KLHL29: variants seen among roughly 807,000 people sequenced by gnomAD.
KLHL29 encodes the protein kelch-like protein 29.
Under a neutral mutation model 80.4 loss-of-function variants are expected in KLHL29, and 21 were observed. The observed-to-expected ratio is 0.26, with a 90% confidence interval of 0.19 to 0.38. The LOEUF (loss-of-function observed/expected upper bound fraction) is 0.38. Among genes scored for constraint, KLHL29 ranks in the 10% least tolerant of loss-of-function variants. KLHL29 has a pLI of 1.00. For synonymous variants in KLHL29, 511 were observed against 526.8 expected (o/e 0.97, Z 0.41); for missense variants, 867 against 1,223.9 (o/e 0.71, Z 4.35).
chr2:23,632,352 T>G (rs972338079), intron 3 of KLHL29, among the ~76,000 whole-genome samples: 2 of 152,270 alleles, frequency 1.3e-5, no homozygotes, highest in African/African-American at 4.8e-5. Flanking sequence ...GGCTTCACCT[T>G]TGCAGTGCAA....
At chr2:23,572,016 C>A (rs574807300) in intron 3 of KLHL29, among the ~76,000 whole-genome samples, 2 of 152,318 alleles carry the variant, frequency 1.3e-5, no homozygotes, top group South Asian at 4.1e-4. Flanking sequence ...TCATTCATCC[C>A]GGCACTCGCT....
chr2:23,392,806 C>A (rs1245100347), intron 1 of KLHL29, among the ~76,000 whole-genome samples: 1 of 152,216 alleles, frequency 6.6e-6, no homozygotes, highest in South Asian at 2.1e-4. Context: ...TGCACCACTT[C>A]ATACTGCCTG....
intron 1 of KLHL29, among the ~76,000 whole-genome samples, chr2:23,394,148 AGTG>A (rs1267092577): frequency 6.6e-6 from 1 of 152,224 alleles, no homozygotes; most frequent in African/African-American, 2.4e-5. Context: ...AACACTGAGA[AGTG>A]GTGAAGAGCG....
In KLHL29 at chr2:23,695,586, G is replaced by C; in HGVS notation, c.1543-37G>C. The C allele has an allele frequency of 6.9e-7, 1 of 1,444,700 alleles. No homozygotes were observed. Among genetic ancestry groups the C allele is most frequent in the Non-Finnish European group, 9.3e-7 (1 of 1,071,696 alleles). The allele number at this position is 1,444,700 out of a possible 1,614,324, so 89.5% of individuals were successfully genotyped here. On this transcript the variant is annotated intron_variant, in intron 8 of 13. Transcript: ENST00000486442. The surrounding 1 kb of genome is among the most constrained non-coding windows in gnomAD (Gnocchi z 7.6). ...TCCGTCCGGGAGGTGGCTCTCTCTT[G>C]CTAGTCTAAGAAGATTCTGTCTCCT...
intron 1 of KLHL29, among the ~76,000 whole-genome samples, chr2:23,440,816 A>C (rs1199357784): frequency 1.3e-5 from 2 of 152,316 alleles, no homozygotes; most frequent in African/African-American, 2.4e-5. Context: ...AATCATTAAA[A>C]AGTCAGGAAA....
At chr2:23,640,770 T>A (rs1356073616) in intron 4 of KLHL29, among the ~76,000 whole-genome samples, 2 of 152,234 alleles carry the variant, frequency 1.3e-5, no homozygotes, top group African/African-American at 4.8e-5. Context: ...GGAAACTGGC[T>A]CGGGAAAGGC....
intron 1 of KLHL29, among the ~76,000 whole-genome samples, chr2:23,459,441 T>TA (rs897687475): frequency 2.0e-5 from 3 of 151,366 alleles, no homozygotes; most frequent in Non-Finnish European, 4.4e-5. Context: ...GAGAATGGAG[T>TA]AAAAAAAGAG....
Position 23,526,297 on chromosome 2 carries a change from A to G in KLHL29, c.-45-35855A>G, listed in dbSNP as rs1282990738. On this transcript the variant is annotated intron_variant, in intron 2 of 13. Coordinates refer to ENST00000486442, the MANE Select transcript of KLHL29 (RefSeq NM_052920.2). ...CGGAGGAAGCGTCACAGGGGAGGGG[A>G]AACCAGAGCTGTGGTCAGGGCATGC... Among the ~76,000 whole-genome samples, 472 of 151,998 alleles carry G rather than the reference A, an allele frequency of 3.1e-3. 2 individuals carry two copies. Among genetic ancestry groups the G allele is most frequent in the Non-Finnish European group, 4.9e-3 (336 of 67,936 alleles).
intron 1 of KLHL29, among the ~76,000 whole-genome samples, chr2:23,401,087 G>A (rs1428966520): frequency 2.6e-5 from 4 of 152,150 alleles, no homozygotes; most frequent in Non-Finnish European, 5.9e-5. Context: ...TTCACCTGAG[G>A]TCAGTTTCCT....
rs541560688 is a variant in KLHL29 at position 23,691,720 on chromosome 2, G to A, written c.1126G>A (p.Val376Ile). The A allele has an allele frequency of 4.6e-5, 71 of 1,551,784 alleles. No homozygotes were observed. In the East Asian group the frequency reaches 8.1e-4, roughly 18 times the overall value. The part of the protein sequence containing the change: ...GQGGREKLEL[V>I]LSNLQADVLE... ...GGGCGGCCGGGAGAAGCTGGAGCTCGTCCTGTCGAACCTGCAGGCAGACGT... is the reference window on the plus strand; with the variant it reads ...GGGCGGCCGGGAGAAGCTGGAGCTCATCCTGTCGAACCTGCAGGCAGACGT... Residue 376 changes from valine to isoleucine, a missense_variant, in exon 7 of 14, where the codon GTC becomes ATC. Coordinates refer to ENST00000486442, the MANE Select transcript of KLHL29 (RefSeq NM_052920.2).
chr2:23,689,862 G>A (rs753330571), intron 6 of KLHL29: 3 of 152,312 alleles, frequency 2.0e-5, no homozygotes, highest in African/African-American at 7.2e-5. Context: ...AGCCACCGAG[G>A]TATGGAAATC....
intron 3 of KLHL29, among the ~76,000 whole-genome samples, chr2:23,577,207 T>C (rs929095564): frequency 6.6e-6 from 1 of 152,194 alleles, no homozygotes; most frequent in Admixed American, 6.5e-5. Context: ...CCCAGCACTT[T>C]GGGAGGCCGA....
At position 23,696,513 on chromosome 2, in the gene KLHL29, G is replaced by C; in HGVS notation, c.2105G>C (p.Arg702Thr). The change falls in exon 11 of 14, where the codon AGG becomes ACG. Residue 702 changes from arginine to threonine, a missense_variant and splice_region_variant. By Grantham distance (71) the Arg-to-Thr change is moderately conservative (BLOSUM62 -1). Coordinates refer to ENST00000486442, the MANE Select transcript of KLHL29 (RefSeq NM_052920.2). This position sits in a 1 kb window ranked among gnomAD's most constrained non-coding sequence, Gnocchi z 5.5. ...GCAGGCAACGTGGACCACGTGGAGA[G>C]GTAATGAGGCCACGGTCAGGACAGG... ...GVAGNVDHVE[R>T]YDTITNQWEA... is the part of the protein sequence containing the mutation. The C allele has an allele frequency of 6.6e-7, 1 of 1,519,542 alleles. No individual in the cohort carries two copies. Among genetic ancestry groups the C allele is most frequent in the Non-Finnish European group, 8.8e-7 (1 of 1,132,278 alleles). 94.1% of individuals were successfully genotyped at this position (1,519,542 alleles called of 1,614,324 possible). A position where few individuals can be genotyped will look rare whatever the true frequency, so the allele number is the denominator to read the frequency against.
chr2:23,701,549 C>T (rs543426146), intron 11 of KLHL29, among the ~76,000 whole-genome samples: 14 of 152,216 alleles, frequency 9.2e-5, no homozygotes, highest in Non-Finnish European at 1.8e-4. Context: ...CTCATCTCTA[C>T]GACAAATCAA....
At chr2:23,521,642 G>T (rs1345421697) in intron 2 of KLHL29, among the ~76,000 whole-genome samples, 1 of 152,212 alleles carries the variant, frequency 6.6e-6, no homozygotes, top group Non-Finnish European at 1.5e-5. Context: ...CACTTTGCAG[G>T]CAGGCAGCAT....
intron 5 of KLHL29, among the ~76,000 whole-genome samples, chr2:23,656,391 G>A (rs1001281401): frequency 1.3e-5 from 2 of 152,196 alleles, no homozygotes; most frequent in African/African-American, 2.4e-5. Context: ...GAGGGAAGGC[G>A]AAGGGGAAGG....
chr2:23,587,498 C>T (rs891521785), intron 3 of KLHL29, among the ~76,000 whole-genome samples: 1 of 152,130 alleles, frequency 6.6e-6, no homozygotes, highest in African/African-American at 2.4e-5. Flanking sequence ...CCGGGCTACC[C>T]GAGTCCCCCC....
At chr2:23,636,786 G>A (rs757404202) in intron 3 of KLHL29, among the ~76,000 whole-genome samples, 3 of 152,210 alleles carry the variant, frequency 2.0e-5, no homozygotes, top group Non-Finnish European at 4.4e-5. Context: ...GATTTTTCAA[G>A]TTCAGAAACT....
chr2:23,658,122 A>C, intron 5 of KLHL29, among the ~76,000 whole-genome samples: 1 of 149,950 alleles, frequency 6.7e-6, no homozygotes. Context: ...TCCTCTTCCC[A>C]TCCTTCCTCT....
Sources: allele counts gnomAD v4.1 joint callset (sites outside exome capture counted in the v4.1 genomes callset), GRCh38; gene constraint gnomAD v4.1.1; non-coding constraint Gnocchi (gnomAD v3.1); transcripts MANE v1.5; gene names NCBI Gene and HGNC (gene_info 2026-07-23, HGNC 2026-07-21).